Variants in TMEM182 observed in about 807,000 individuals in gnomAD.
TMEM182 encodes transmembrane protein 182.
In TMEM182, 20 loss-of-function variants were observed where a neutral mutation model predicts 26.8. The observed-to-expected ratio is 0.75, with a 90% confidence interval of 0.53 to 1.09. The LOEUF is 1.09. TMEM182 is among the 50% of genes least tolerant of loss of function. TMEM182 has a pLI of 0.00. For synonymous variants in TMEM182, 109 were observed against 102.2 expected, an observed-to-expected ratio of 1.07 and a Z score of -0.40; for missense variants, 277 against 275.5, an observed-to-expected ratio of 1.01 and a Z score of -0.04.
intron 3 of TMEM182, among the ~76,000 whole-genome samples, chr2:102,789,683 G>T (rs1471691599): frequency 6.6e-6 from 1 of 152,150 alleles, no homozygotes; most frequent in African/African-American, 2.4e-5. Flanking sequence ...TTCATTCTCT[G>T]TATACTTACA....
chr2:102,746,598 T>A (rs1679705204), intron 1 of TMEM182, among the ~76,000 whole-genome samples: 1 of 151,210 alleles, frequency 6.6e-6, no homozygotes, highest in African/African-American at 2.4e-5. Flanking sequence ...GAGTTACTTA[T>A]TTTTTTTTTC....
In TMEM182 at chr2:102,816,147, C is replaced by A; in HGVS notation, c.*1179C>A. 1 of 985,320 alleles carries A rather than the reference C, an allele frequency of 1.0e-6. No individual in the cohort carries two copies. Among genetic ancestry groups the A allele is most frequent in the Non-Finnish European group, 1.2e-6 (1 of 829,926 alleles). The allele number at this position is 985,320 out of a possible 1,614,324, so 61.0% of individuals were successfully genotyped here. On this transcript the variant is annotated 3_prime_UTR_variant, in exon 5 of 5. Transcript: ENST00000412401. ...TTGCATATCAAAGATGTTCATTTGG[C>A]ACTAATGTTGATTGAAATCAAATCC...
At chr2:102,758,490 G>A (rs1680112667), upstream of TMEM182, 1 of 717,082 alleles carries the variant, frequency 1.4e-6, no homozygotes, top group East Asian at 2.7e-5. Flanking sequence ...TCCATTTCAT[G>A]TCTTCATTAG....
intron 3 of TMEM182, among the ~76,000 whole-genome samples, chr2:102,838,770 G>C (rs1027576940): frequency 2.0e-5 from 3 of 152,122 alleles, no homozygotes; most frequent in African/African-American, 7.2e-5. Context: ...GAATGTAGAA[G>C]GTTTGAGTCC....
At chr2:102,755,173 GAGGGAAAAAAAGGATAACC>G (rs1679994665) in intron 1 of TMEM182, among the ~76,000 whole-genome samples, 1 of 152,146 alleles carries the variant, frequency 6.6e-6, no homozygotes, top group Admixed American at 6.5e-5. Flanking sequence ...AACAGGATAA[GAGGGAAAAAAAGGATAACC>G]AGTGAGGTCA....
intron 4 of TMEM182, among the ~76,000 whole-genome samples, chr2:102,800,031 T>C (rs548568790): frequency 3.9e-5 from 6 of 151,902 alleles, no homozygotes; most frequent in Admixed American, 3.9e-4. Flanking sequence ...AAAAAAAAAA[T>C]CTCACTCTGA....
chr2:102,830,398 G>C (rs1166855951), intron 3 of TMEM182, among the ~76,000 whole-genome samples: 4 of 152,160 alleles, frequency 2.6e-5, no homozygotes, highest in Non-Finnish European at 4.4e-5. Context: ...GTATAGATAT[G>C]GTCAAGGCCA....
intron 3 of TMEM182, among the ~76,000 whole-genome samples, chr2:102,780,362 G>C (rs544995491): frequency 6.6e-6 from 1 of 152,194 alleles, no homozygotes; most frequent in African/African-American, 2.4e-5. Context: ...GGTAGAGAGA[G>C]GCTCCCTGTT....
At chr2:102,768,964 CAA>C (rs1446933234) in intron 3 of TMEM182, among the ~76,000 whole-genome samples, 2 of 152,086 alleles carry the variant, frequency 1.3e-5, no homozygotes, top group African/African-American at 4.8e-5. Flanking sequence ...TCTCCTGGAA[CAA>C]GAGGGTCAGA....
At chr2:102,819,458 T>C (rs1682862637), downstream of TMEM182, among the ~76,000 whole-genome samples, 1 of 152,148 alleles carries the variant, frequency 6.6e-6, no homozygotes, top group Admixed American at 6.6e-5. Flanking sequence ...AAGTAGAAAG[T>C]CGGATTAACT....
At chr2:102,813,521 G>GTGCTC (rs1246478531) in intron 4 of TMEM182, among the ~76,000 whole-genome samples, 1 of 152,182 alleles carries the variant, frequency 6.6e-6, no homozygotes, top group East Asian at 1.9e-4. Flanking sequence ...CAAATAACAA[G>GTGCTC]TGCTCTCAAG....
intron 3 of TMEM182, among the ~76,000 whole-genome samples, chr2:102,829,057 G>A (rs778778943): frequency 4.6e-5 from 7 of 152,158 alleles, no homozygotes; most frequent in Non-Finnish European, 8.8e-5. Flanking sequence ...CAAATATTCT[G>A]GGTTCCATCT....
chr2:102,770,734 T>C (rs1680638057), intron 3 of TMEM182, among the ~76,000 whole-genome samples: 1 of 152,162 alleles, frequency 6.6e-6, no homozygotes, highest in Non-Finnish European at 1.5e-5. Flanking sequence ...CAGCCAACAC[T>C]GCGGCTTGGA....
At position 102,816,760 on chromosome 2, in the gene TMEM182, C is replaced by T. The variant is rs1030515635; in HGVS notation, c.*1792C>T. ...ATGGCATGCCATTAAGTTTTCCAGA[C>T]GATGTTGGATGTATCTGATTAGTTC... On this transcript the variant is annotated 3_prime_UTR_variant, in exon 5 of 5. Coordinates refer to ENST00000412401, the MANE Select transcript of TMEM182 (RefSeq NM_144632.5). The T allele has an allele frequency of 6.1e-6, 6 of 985,564 alleles. No individual in the cohort carries two copies. Among genetic ancestry groups the T allele is most frequent in the African/African-American group, 1.7e-5 (1 of 57,188 alleles). 61.1% of individuals were successfully genotyped at this position (985,564 alleles called of 1,614,324 possible). A position where few individuals can be genotyped will look rare whatever the true frequency, so the allele number is the denominator to read the frequency against.
intron 1 of TMEM182, among the ~76,000 whole-genome samples, chr2:102,747,959 T>G (rs866347217): frequency 2.6e-4 from 40 of 152,134 alleles, no homozygotes; most frequent in African/African-American, 6.3e-4. Flanking sequence ...GTGTGTGTGT[T>G]TTTTTTTCCT....
chr2:102,813,764 G>A (rs562018651), intron 4 of TMEM182, among the ~76,000 whole-genome samples: 141 of 152,216 alleles, frequency 9.3e-4, no homozygotes, highest in African/African-American at 3.3e-3. Flanking sequence ...TAAGGTCATG[G>A]GTCCAAAACT....
chr2:102,777,650 C>A (rs1471917021), intron 3 of TMEM182, among the ~76,000 whole-genome samples: 1 of 151,934 alleles, frequency 6.6e-6, no homozygotes, highest in African/African-American at 2.4e-5. Flanking sequence ...CTTATTAGTT[C>A]TAGAAATTTC....
At chr2:102,839,954 A>G (rs978713437) in intron 3 of TMEM182, among the ~76,000 whole-genome samples, 2 of 152,190 alleles carry the variant, frequency 1.3e-5, no homozygotes, top group Admixed American at 1.3e-4. Context: ...GGATGCTGCA[A>G]ACTTTGGGAG....
At chr2:102,794,756 T>G (rs1048032614) in intron 3 of TMEM182, among the ~76,000 whole-genome samples, 8 of 152,214 alleles carry the variant, frequency 5.3e-5, no homozygotes, top group Admixed American at 2.0e-4. Context: ...GGTAATTTTA[T>G]TATTATGTGT....
Sources: gnomAD v4.1 joint callset for allele counts (sites outside exome capture counted in the v4.1 genomes callset) on GRCh38, gnomAD v4.1.1 for gene constraint, MANE v1.5 for transcripts, NCBI Gene and HGNC (gene_info 2026-07-23, HGNC 2026-07-21) for gene names.